MLIP: variants seen among roughly 807,000 people sequenced by gnomAD.
MLIP encodes the protein muscular LMNA interacting protein.
A neutral mutation model predicts 84.8 loss-of-function variants in MLIP; 79 were observed. The observed-to-expected ratio is 0.93, with a 90% confidence interval of 0.78 to 1.12. MLIP has a LOEUF of 1.12. Among genes scored for constraint, MLIP ranks in the 50% most tolerant of loss-of-function variants. The pLI, the probability that MLIP is intolerant of heterozygous loss-of-function variation, is 0.00. For synonymous variants in MLIP, 504 were observed against 463.0 expected, an observed-to-expected ratio of 1.09 and a Z score of -1.14; for missense variants, 1,257 against 1,160.6, an observed-to-expected ratio of 1.08 and a Z score of -1.21.
At position 54,160,439 on chromosome 6, in the gene MLIP, A is replaced by T. The variant is rs775853360; in HGVS notation, c.2355+7A>T. 1 of 1,611,884 alleles carries T rather than the reference A, an allele frequency of 6.2e-7. No homozygotes were observed. The highest frequency in any genetic ancestry group is 8.5e-7 in the Non-Finnish European group (1 of 1,178,680). On this transcript the variant is annotated splice_region_variant and intron_variant, in intron 6 of 13. Transcript: ENST00000502396. ...ATTAGAACCACCAGTGGAGGTAATA[A>T]CTTCAGATTACCCCTGCTTTTGGTA...
chr6:54,058,300 G>C (rs1365908882), intron 1 of MLIP, among the ~76,000 whole-genome samples: 2 of 152,092 alleles, frequency 1.3e-5, no homozygotes, highest in Non-Finnish European at 2.9e-5. Flanking sequence ...TAGATACTGG[G>C]GTTACAGTGG....
chr6:54,252,777 G>T (rs545563592), intron 12 of MLIP, among the ~76,000 whole-genome samples: 1 of 151,660 alleles, frequency 6.6e-6, no homozygotes, highest in East Asian at 1.9e-4. Flanking sequence ...AAAACAAACC[G>T]GCATGTATGA....
chr6:54,168,413 G>A (rs1029473665), intron 8 of MLIP, among the ~76,000 whole-genome samples: 11 of 151,796 alleles, frequency 7.2e-5, no homozygotes, highest in East Asian at 1.9e-4. Context: ...ATCTGGAAGC[G>A]TATATTACCC....
At chr6:54,058,455 A>G (rs141029973) in intron 1 of MLIP, among the ~76,000 whole-genome samples, 56 of 152,310 alleles carry the variant, frequency 3.7e-4, no homozygotes, top group African/African-American at 1.3e-3. Context: ...ATCTGTCTGG[A>G]GAAAGGGTAG....
intron 11 of MLIP, among the ~76,000 whole-genome samples, chr6:54,225,711 G>C (rs1195302139): frequency 6.6e-6 from 1 of 152,044 alleles, no homozygotes; most frequent in Admixed American, 6.6e-5. Context: ...TAATGCAAGG[G>C]GAAAAGAATG....
intron 12 of MLIP, among the ~76,000 whole-genome samples, chr6:54,237,449 C>T (rs1305324179): frequency 2.0e-5 from 3 of 151,960 alleles, no homozygotes; most frequent in African/African-American, 7.3e-5. Context: ...ATATGTGGCT[C>T]AATGACTTAT....
intron 1 of MLIP, among the ~76,000 whole-genome samples, chr6:54,066,109 CTGTTTT>C: frequency 1.0e-5 from 1 of 99,026 alleles, no homozygotes; most frequent in South Asian, 3.5e-4. Flanking sequence ...ACAATTTGAA[CTGTTTT>C]TGTATTTTCC....
chr6:54,023,546 C>A (rs1581972551), intron 1 of MLIP, among the ~76,000 whole-genome samples: 1 of 152,000 alleles, frequency 6.6e-6, no homozygotes, highest in South Asian at 2.1e-4. Flanking sequence ...GGAGTTCATA[C>A]CATTTATTTA....
chr6:54,084,163 TG>T (rs1767339157), intron 1 of MLIP, among the ~76,000 whole-genome samples: 1 of 152,158 alleles, frequency 6.6e-6, no homozygotes, highest in Non-Finnish European at 1.5e-5. Flanking sequence ...TGAACTTTTT[TG>T]CTCCCCCTAT....
At chr6:54,184,587 G>C (rs1212706683) in intron 9 of MLIP, among the ~76,000 whole-genome samples, 1 of 152,208 alleles carries the variant, frequency 6.6e-6, no homozygotes, top group Non-Finnish European at 1.5e-5. Flanking sequence ...CTTTGGGCAA[G>C]TGGTGCCTTG....
At chr6:54,159,368 CT>C (rs1233352120) in intron 5 of MLIP, among the ~76,000 whole-genome samples, 1 of 152,044 alleles carries the variant, frequency 6.6e-6, no homozygotes, top group Non-Finnish European at 1.5e-5. Flanking sequence ...TTAAAATTAG[CT>C]TGCCTTATTC....
intron 1 of MLIP, among the ~76,000 whole-genome samples, chr6:54,101,494 T>G (rs889686582): frequency 2.0e-5 from 3 of 152,152 alleles, no homozygotes; most frequent in Non-Finnish European, 4.4e-5. Flanking sequence ...GAACTAAATT[T>G]CATGGAATTT....
intron 1 of MLIP, among the ~76,000 whole-genome samples, chr6:54,062,440 T>C (rs9357786): frequency 0.099 from 15,139 of 152,224 alleles, 1,042 homozygotes; most frequent in East Asian, 0.33. Context: ...CTCCACAGAC[T>C]ATACATAATA....
At chr6:54,191,215 T>C (rs1202860503) in intron 10 of MLIP, among the ~76,000 whole-genome samples, 17 of 152,114 alleles carry the variant, frequency 1.1e-4, no homozygotes, top group Non-Finnish European at 2.9e-5. Flanking sequence ...TAACTGATAA[T>C]CCCCTTTTAA....
intron 2 of MLIP, 37 bp from the exon 3 acceptor site, chr6:54,124,436 T>G: frequency 6.4e-7 from 1 of 1,554,280 alleles, no homozygotes. Flanking sequence ...TTTATTAAAC[T>G]AATGTCAATG....
At chr6:54,260,286 A>C (rs1783297483) in intron 13 of MLIP, among the ~76,000 whole-genome samples, 1 of 152,010 alleles carries the variant, frequency 6.6e-6, no homozygotes, top group African/African-American at 2.4e-5. Flanking sequence ...CTCAAAAAAA[A>C]AAATTCCACT....
chr6:54,049,589 G>T (rs1765262468), intron 1 of MLIP, among the ~76,000 whole-genome samples: 1 of 152,092 alleles, frequency 6.6e-6, no homozygotes, highest in Non-Finnish European at 1.5e-5. Context: ...GAGAGGGTCA[G>T]GCATAATTAA....
chr6:54,251,938 C>CATATAAT (rs1286382069), intron 12 of MLIP, among the ~76,000 whole-genome samples: 1 of 62,560 alleles, frequency 1.6e-5, no homozygotes, highest in Non-Finnish European at 2.5e-5. Context: ...TATATTATAA[C>CATATAAT]ATATAATATA....
chr6:54,211,984 T>TA (rs760930024), intron 11 of MLIP, among the ~76,000 whole-genome samples: 12 of 152,208 alleles, frequency 7.9e-5, no homozygotes, highest in Non-Finnish European at 1.8e-4. Flanking sequence ...CTATTTGACA[T>TA]AAAAAAAGAA....
Sources: allele counts gnomAD v4.1 joint callset (sites outside exome capture counted in the v4.1 genomes callset), GRCh38; gene constraint gnomAD v4.1.1; transcripts MANE v1.5; gene names NCBI Gene and HGNC (gene_info 2026-07-23, HGNC 2026-07-21).